Variants in AGBL1 observed in about 807,000 individuals in gnomAD.
The protein encoded by AGBL1 is AGBL carboxypeptidase 1.
In AGBL1, 130 loss-of-function variants were observed where a neutral mutation model predicts 118.9. The ratio of observed to expected loss-of-function variants is 1.09; its 90% CI spans 0.95 to 1.26. The LOEUF is 1.26. AGBL1 is among the 50% of genes most tolerant of loss of function. AGBL1 has a pLI of 0.00. For synonymous variants in AGBL1, 555 were observed against 478.9 expected (o/e 1.16, Z -2.08); for missense variants, 1,584 against 1,298.1 (o/e 1.22, Z -3.38).
At chr15:86,904,125 CGT>C (rs1379590935) in intron 22 of AGBL1, among the ~76,000 whole-genome samples, 2 of 152,150 alleles carry the variant, frequency 1.3e-5, no homozygotes, top group African/African-American at 4.8e-5. Flanking sequence ...CCTTCCTCAT[CGT>C]GTGGCTAGAG....
At chr15:86,373,267 C>T (rs1002414005) in intron 17 of AGBL1, among the ~76,000 whole-genome samples, 12 of 152,280 alleles carry the variant, frequency 7.9e-5, no homozygotes, top group South Asian at 2.1e-4. Context: ...GTGTGTGCCT[C>T]TTATAATGTG....
intron 22 of AGBL1, among the ~76,000 whole-genome samples, chr15:86,871,644 A>G (rs1021904718): frequency 5.9e-5 from 9 of 152,010 alleles, no homozygotes; most frequent in African/African-American, 1.5e-4. Flanking sequence ...GCCTCTTCCA[A>G]TGGTTGGATG....
At chr15:86,460,520 C>T (rs1352975323) in intron 18 of AGBL1, among the ~76,000 whole-genome samples, 1 of 112,894 alleles carries the variant, frequency 8.9e-6, no homozygotes, top group Admixed American at 8.5e-5. Context: ...ACAAAACAAA[C>T]AATAACAACA....
At chr15:86,678,277 A>G (rs912820242) in intron 22 of AGBL1, among the ~76,000 whole-genome samples, 29 of 152,164 alleles carry the variant, frequency 1.9e-4, no homozygotes, top group Admixed American at 3.3e-4. Context: ...AGTACTCTCA[A>G]AAACAATGTG....
At chr15:86,997,140 C>A (rs1331110285) in intron 24 of AGBL1, among the ~76,000 whole-genome samples, 4 of 152,108 alleles carry the variant, frequency 2.6e-5, no homozygotes, top group Admixed American at 2.6e-4. Flanking sequence ...CATCCACTAA[C>A]CTTCTTTTGA....
chr15:86,223,706 G>A (rs1399372818), intron 5 of AGBL1, among the ~76,000 whole-genome samples: 3 of 152,178 alleles, frequency 2.0e-5, no homozygotes, highest in Non-Finnish European at 4.4e-5. Flanking sequence ...TTGTGGGTTT[G>A]CACAGGGGCC....
At chr15:86,582,304 T>G (rs1422112445) in intron 21 of AGBL1, among the ~76,000 whole-genome samples, 9 of 152,180 alleles carry the variant, frequency 5.9e-5, no homozygotes, top group African/African-American at 2.2e-4. Flanking sequence ...TAATGGTATT[T>G]GAACATGCCA....
intron 1 of AGBL1, among the ~76,000 whole-genome samples, chr15:86,121,010 C>G (rs899433999): frequency 6.6e-5 from 10 of 151,978 alleles, no homozygotes; most frequent in African/African-American, 2.4e-4. Context: ...GATTCTCCTG[C>G]CTCAACCTCC....
At chr15:86,666,583 C>A (rs1205580124) in intron 21 of AGBL1, among the ~76,000 whole-genome samples, 1 of 151,954 alleles carries the variant, frequency 6.6e-6, no homozygotes, top group Non-Finnish European at 1.5e-5. Flanking sequence ...GAAAGCAGGC[C>A]ATAATTTTGG....
chr15:86,263,240 T>C (rs1297905104), intron 10 of AGBL1, among the ~76,000 whole-genome samples: 1 of 152,178 alleles, frequency 6.6e-6, no homozygotes. Context: ...CCTTTTTATG[T>C]TTAGACACAC....
At chr15:86,845,953 C>A (rs1001491540) in intron 22 of AGBL1, among the ~76,000 whole-genome samples, 2 of 152,178 alleles carry the variant, frequency 1.3e-5, no homozygotes, top group Non-Finnish European at 2.9e-5. Flanking sequence ...AGCCAACTTA[C>A]CTTCTTCCCT....
chr15:86,141,129 A>G (rs2141642977), intron 1 of AGBL1, among the ~76,000 whole-genome samples: 1 of 152,280 alleles, frequency 6.6e-6, no homozygotes, highest in Non-Finnish European at 1.5e-5. Flanking sequence ...TGCTGTATGT[A>G]TTACTTCAGG....
At chr15:86,413,717 G>T (rs888438339) in intron 18 of AGBL1, among the ~76,000 whole-genome samples, 1 of 151,942 alleles carries the variant, frequency 6.6e-6, no homozygotes, top group East Asian at 1.9e-4. Flanking sequence ...TTTTAATGGG[G>T]TTATTTATTT....
intron 15 of AGBL1, among the ~76,000 whole-genome samples, chr15:86,275,684 G>A (rs887185555): frequency 1.3e-5 from 2 of 152,180 alleles, no homozygotes; most frequent in Admixed American, 6.5e-5. Context: ...TTCAGGCAAT[G>A]GAAAGGCAAA....
chr15:86,727,519 A>C (rs2086838784), intron 22 of AGBL1, among the ~76,000 whole-genome samples: 1 of 152,182 alleles, frequency 6.6e-6, no homozygotes, highest in Admixed American at 6.5e-5. Context: ...ATGTATAGGG[A>C]TAGTTCTTCC....
chr15:86,114,928 T>C (rs537097015), intron 1 of AGBL1, among the ~76,000 whole-genome samples: 1 of 152,294 alleles, frequency 6.6e-6, no homozygotes, highest in South Asian at 2.1e-4. Flanking sequence ...TGAATTTGAC[T>C]CTTTTGTTAG....
At chr15:86,306,097 G>C (rs1405209340) in intron 17 of AGBL1, among the ~76,000 whole-genome samples, 1 of 152,054 alleles carries the variant, frequency 6.6e-6, no homozygotes, top group Non-Finnish European at 1.5e-5. Flanking sequence ...GGCACACAAT[G>C]TGAAATAAGC....
chr15:86,394,198 G>A lies in AGBL1; in HGVS notation c.2375-3168G>A, dbSNP rs571238798. On this transcript the variant is annotated intron_variant, in intron 17 of 22. Transcript: ENST00000614907. ...GCTGGAATTTGAACCCTGGAAATACGGCTCCTAAAGTTGTTCTCTAATTCA... is the reference window on the plus strand; with the variant it reads ...GCTGGAATTTGAACCCTGGAAATACAGCTCCTAAAGTTGTTCTCTAATTCA... Among the ~76,000 whole-genome samples, 9 of 152,172 alleles carry A rather than the reference G, an allele frequency of 5.9e-5. No individual in the cohort carries two copies. The South Asian group carries it at 6.2e-4, about 11-fold the overall frequency.
At chr15:86,479,190 A>C (rs527313132) in intron 18 of AGBL1, among the ~76,000 whole-genome samples, 1 of 152,320 alleles carries the variant, frequency 6.6e-6, no homozygotes, top group Admixed American at 6.5e-5. Flanking sequence ...TTCCTGTCTA[A>C]AACACCAAAA....
Sources: gnomAD v4.1 joint callset for allele counts (sites outside exome capture counted in the v4.1 genomes callset) on GRCh38, gnomAD v4.1.1 for gene constraint, MANE v1.5 for transcripts, NCBI Gene and HGNC (gene_info 2026-07-23, HGNC 2026-07-21) for gene names.